ZNF407: variants seen among roughly 807,000 people sequenced by gnomAD.
The protein encoded by ZNF407 is zinc finger protein 407.
In ZNF407, 17 loss-of-function variants were observed where a neutral mutation model predicts 131.2. That is an observed-to-expected ratio of 0.13 (90% CI 0.09 to 0.19). The LOEUF is 0.19. Among genes scored for constraint, ZNF407 ranks in the 10% least tolerant of loss-of-function variants. ZNF407 has a pLI of 1.00. For missense variants in ZNF407, 2,681 were observed against 2,830.6 expected (o/e 0.95, Z 1.20); for synonymous variants, 1,156 against 1,062.0 (o/e 1.09, Z -1.72).
chr18:75,063,604 C>T lies in ZNF407; in HGVS notation c.5883C>T (p.Gly1961=), dbSNP rs1038435656. Residue 1961 remains glycine (G), a synonymous_variant, in exon 9 of 9, where the codon GGC becomes GGT. Transcript: ENST00000299687. The surrounding 1 kb of genome is among the most constrained non-coding windows in gnomAD (Gnocchi z 6.6). The stretch of plus-strand genomic sequence containing the variant: ...TGGATGAGTCCCTCAGTCCAGGTGG[C>T]GCTGTGATACAACAGGTGACCAAGC... ...HGMDESLSPG[G]AVIQQVTKQE... The T allele has an allele frequency of 1.1e-5, 17 of 1,574,232 alleles. No individual in the cohort carries two copies. The highest frequency in any genetic ancestry group is 2.7e-5 in the African/African-American group (2 of 74,120).
chr18:74,642,476 C>T (rs1025226193), intron 3 of ZNF407, among the ~76,000 whole-genome samples: 2 of 152,112 alleles, frequency 1.3e-5, no homozygotes, highest in Non-Finnish European at 2.9e-5. Flanking sequence ...TCTCTCATTT[C>T]TGAGAAGTAA....
At chr18:74,899,239 C>T (rs895060625) in intron 7 of ZNF407, among the ~76,000 whole-genome samples, 3 of 152,146 alleles carry the variant, frequency 2.0e-5, no homozygotes, top group African/African-American at 7.2e-5. Context: ...GAGAGGGATC[C>T]AACAGGAGAC....
chr18:74,964,447 A>G (rs1392056588), intron 8 of ZNF407, among the ~76,000 whole-genome samples: 2 of 152,310 alleles, frequency 1.3e-5, no homozygotes, highest in African/African-American at 2.4e-5. Flanking sequence ...TTTCAAAAGC[A>G]CTTTTTTTGT....
intron 4 of ZNF407, among the ~76,000 whole-genome samples, chr18:74,799,901 T>TA: frequency 7.7e-6 from 1 of 129,272 alleles, no homozygotes; most frequent in South Asian, 2.5e-4. Flanking sequence ...GAAAAAAAAA[T>TA]CCTTTTTTTT....
At chr18:74,937,534 T>G (rs1972052169) in intron 8 of ZNF407, among the ~76,000 whole-genome samples, 1 of 152,158 alleles carries the variant, frequency 6.6e-6, no homozygotes, top group Non-Finnish European at 1.5e-5. Flanking sequence ...CCCAAAAGTT[T>G]TATCAGTCAG....
intron 3 of ZNF407, among the ~76,000 whole-genome samples, chr18:74,755,773 C>CTTTCTTTCTTTCT (rs769763395): frequency 8.8e-6 from 1 of 113,464 alleles, no homozygotes; most frequent in Non-Finnish European, 1.7e-5. Context: ...TTCTTTCTTT[C>CTTTCTTTCTTTCT]TCTCTCTCTC....
rs531749514 is a variant in ZNF407 at position 74,692,050 on chromosome 18, C to G, written c.4802+50928C>G. On this transcript the variant is annotated intron_variant, in intron 3 of 8. Coordinates refer to ENST00000299687, the MANE Select transcript of ZNF407 (RefSeq NM_017757.3). The stretch of plus-strand genomic sequence containing the variant: ...TCGAGGCTGCAATGAGCTGTGGTTG[C>G]GCCACTGCACTCCATCCTGGGTAAC... Among the ~76,000 whole-genome samples the G allele has an allele frequency of 2.0e-5, 3 of 152,040 alleles. No homozygotes were observed. The South Asian group carries it at 6.2e-4, about 32-fold the overall frequency.
At chr18:75,017,043 G>A (rs1973052821) in intron 8 of ZNF407, among the ~76,000 whole-genome samples, 1 of 152,054 alleles carries the variant, frequency 6.6e-6, no homozygotes, top group Admixed American at 6.6e-5. Flanking sequence ...GTGGCAGTGG[G>A]AATCAATTCA....
Position 74,719,486 on chromosome 18 carries a change from G to A in ZNF407, c.4803-61942G>A, listed in dbSNP as rs528483214. ...GCGATCTCAGCTCACTGCAAGCTCC[G>A]CCTCCCGGGTTCACGCCATTCTCCT... On this transcript the variant is annotated intron_variant, in intron 3 of 8. Transcript: ENST00000299687. Among the ~76,000 whole-genome samples, 6 of 152,254 alleles carry A rather than the reference G, an allele frequency of 3.9e-5. No individual in the cohort carries two copies. In the East Asian group the frequency reaches 9.7e-4, roughly 25 times the overall value.
intron 3 of ZNF407, among the ~76,000 whole-genome samples, chr18:74,733,371 A>AT (rs1451661574): frequency 5.3e-5 from 8 of 152,022 alleles, no homozygotes; most frequent in Non-Finnish European, 1.2e-4. Flanking sequence ...TTATTTTTAA[A>AT]TTTTTTTATT....
intron 8 of ZNF407, among the ~76,000 whole-genome samples, chr18:74,974,227 A>G (rs186995480): frequency 6.6e-6 from 1 of 152,310 alleles, no homozygotes; most frequent in Admixed American, 6.5e-5. Context: ...CGTATTAAAC[A>G]GCTGACCTCA....
At chr18:74,822,429 G>A (rs953564607) in intron 4 of ZNF407, among the ~76,000 whole-genome samples, 3 of 152,136 alleles carry the variant, frequency 2.0e-5, no homozygotes, top group African/African-American at 7.2e-5. Flanking sequence ...TTCATCTTGA[G>A]TTAATTTTTG....
chr18:74,923,214 C>A (rs961567188), intron 8 of ZNF407, among the ~76,000 whole-genome samples: 3 of 151,534 alleles, frequency 2.0e-5, no homozygotes, highest in Non-Finnish European at 4.4e-5. Flanking sequence ...AAACACAAGA[C>A]AAAAGTGGTT....
rs189667112 is a variant in ZNF407, at chr18:74,762,407, T to A, written c.4803-19021T>A. Among the ~76,000 whole-genome samples the A allele has an allele frequency of 3.9e-5, 6 of 152,268 alleles. No individual in the cohort carries two copies. In the East Asian group the frequency reaches 1.2e-3, roughly 29 times the overall value. On this transcript the variant is annotated intron_variant, in intron 3 of 8. Transcript: ENST00000299687. ...AAATGTCGTTTTTAACTTAAAAGTT[T>A]TATTGAAGTATTACATACGGAAATC...
At chr18:74,903,929 T>C (rs934872376) in intron 7 of ZNF407, among the ~76,000 whole-genome samples, 1 of 152,252 alleles carries the variant, frequency 6.6e-6, no homozygotes, top group East Asian at 1.9e-4. Context: ...ACTCTCCATA[T>C]TGTATCCCCT....
chr18:74,751,322 G>T (rs1968795280), intron 3 of ZNF407, among the ~76,000 whole-genome samples: 1 of 151,782 alleles, frequency 6.6e-6, no homozygotes, highest in African/African-American at 2.4e-5. Context: ...TTCTAATGTG[G>T]CTACGCACGT....
chr18:74,934,911 C>T lies in ZNF407; in HGVS notation c.5428+14219C>T, dbSNP rs997215791. On this transcript the variant is annotated intron_variant, in intron 8 of 8. Transcript: ENST00000299687. ...AATAGTGCCTGCCACTTATTAAGTA[C>T]TCTATGAGTATTTAGTTAGTAAAAT... Among the ~76,000 whole-genome samples, 8 of 152,188 alleles carry T rather than the reference C, an allele frequency of 5.3e-5. No individual in the cohort carries two copies. The East Asian group carries it at 5.8e-4, about 11-fold the overall frequency.
At chr18:74,700,243 C>T (rs1262747386) in intron 3 of ZNF407, among the ~76,000 whole-genome samples, 1 of 152,162 alleles carries the variant, frequency 6.6e-6, no homozygotes, top group Non-Finnish European at 1.5e-5. Context: ...TTTTAAAATA[C>T]ATTAGTATAC....
intron 8 of ZNF407, among the ~76,000 whole-genome samples, chr18:75,021,597 A>G (rs1170782104): frequency 6.6e-6 from 1 of 152,154 alleles, no homozygotes; most frequent in African/African-American, 2.4e-5. Flanking sequence ...GAGGACTCAC[A>G]AGTCAATGTA....
Sources: gnomAD v4.1 joint callset for allele counts (sites outside exome capture counted in the v4.1 genomes callset) on GRCh38, gnomAD v4.1.1 for gene constraint, Gnocchi (gnomAD v3.1) non-coding constraint, MANE v1.5 for transcripts, NCBI Gene and HGNC (gene_info 2026-07-23, HGNC 2026-07-21) for gene names.